Variants in LIN9 observed in about 807,000 individuals in gnomAD.
The protein encoded by LIN9 is protein lin-9 homolog.
Under a neutral mutation model 78.0 loss-of-function variants are expected in LIN9, and 18 were observed. That is an observed-to-expected ratio of 0.23 (90% CI 0.16 to 0.34). The LOEUF (loss-of-function observed/expected upper bound fraction) is 0.34. Ranked by LOEUF, LIN9 falls within the 10% of genes least tolerant of loss-of-function variation. LIN9 has a pLI of 1.00. For synonymous variants in LIN9, 192 were observed against 215.2 expected, an observed-to-expected ratio of 0.89 and a Z score of 0.94; for missense variants, 451 against 644.1, an observed-to-expected ratio of 0.70 and a Z score of 3.25.
chr1:226,258,050 G>A (rs73087805), intron 10 of LIN9, among the ~76,000 whole-genome samples: 3,725 of 152,160 alleles, frequency 0.024, 150 homozygotes, highest in African/African-American at 0.085. Flanking sequence ...CAGGTGTGGT[G>A]TCTTGTGCCT....
intron 13 of LIN9, 65 bp downstream of exon 13, chr1:226,233,279 C>A: frequency 1.3e-6 from 2 of 1,520,438 alleles, no homozygotes; most frequent in Non-Finnish European, 1.8e-6. Context: ...GAATTAATTT[C>A]TTAGCAACAA....
At chr1:226,282,942 T>C (rs1186768652) in intron 6 of LIN9, among the ~76,000 whole-genome samples, 1 of 152,228 alleles carries the variant, frequency 6.6e-6, no homozygotes, top group Non-Finnish European at 1.5e-5. Context: ...TTTCCTTTCC[T>C]ATCAATTACC....
chr1:226,238,328 T>G (rs893001890), intron 12 of LIN9, among the ~76,000 whole-genome samples: 10 of 151,870 alleles, frequency 6.6e-5, no homozygotes, highest in Non-Finnish European at 7.4e-5. Flanking sequence ...TAAGAAGAAA[T>G]AAAGCAAAAT....
At chr1:226,296,948 T>C (rs1662191014) in intron 3 of LIN9, among the ~76,000 whole-genome samples, 1 of 152,064 alleles carries the variant, frequency 6.6e-6, no homozygotes, top group Non-Finnish European at 1.5e-5. Context: ...CGCTTGAGCC[T>C]GGGAGTTCCT....
intron 4 of LIN9, 27 bp downstream of exon 4, chr1:226,295,815 T>G (rs765076173): frequency 4.1e-6 from 6 of 1,456,404 alleles, no homozygotes; most frequent in Non-Finnish European, 5.7e-6. Context: ...TCCTTTCCAA[T>G]GAAACAAAAT....
chr1:226,255,345 A>C (rs530656988), intron 10 of LIN9, among the ~76,000 whole-genome samples: 1 of 152,310 alleles, frequency 6.6e-6, no homozygotes, highest in African/African-American at 2.4e-5. Flanking sequence ...CTAACATGCT[A>C]GGGTTTTATC....
chr1:226,253,441 G>A (rs907256769), intron 10 of LIN9, among the ~76,000 whole-genome samples: 1 of 151,318 alleles, frequency 6.6e-6, no homozygotes, highest in Non-Finnish European at 1.5e-5. Flanking sequence ...CTACAGGCTC[G>A]CACCACCACG....
intron 1 of LIN9, among the ~76,000 whole-genome samples, chr1:226,306,356 A>C (rs1662917974): frequency 6.6e-6 from 1 of 152,082 alleles, no homozygotes; most frequent in Non-Finnish European, 1.5e-5. Flanking sequence ...AAGAGAGGGA[A>C]GTGCCAAAGA....
At chr1:226,287,047 A>G (rs1661419190) in intron 5 of LIN9, among the ~76,000 whole-genome samples, 1 of 152,228 alleles carries the variant, frequency 6.6e-6, no homozygotes, top group Admixed American at 6.5e-5. Context: ...CACAAGCTCC[A>G]GAGTAGGCAA....
chr1:226,289,686 T>C (rs770779071), intron 4 of LIN9, among the ~76,000 whole-genome samples: 46 of 152,002 alleles, frequency 3.0e-4, no homozygotes, highest in Non-Finnish European at 4.9e-4. Flanking sequence ...CTAGCACATA[T>C]AGAGATATGC....
At chr1:226,260,706 A>G (rs9729447) in intron 10 of LIN9, among the ~76,000 whole-genome samples, 100,727 of 141,472 alleles carry the variant, frequency 0.71, 35,498 homozygotes, top group East Asian at 0.75. Context: ...GTGCAGTGGC[A>G]CGAACTCGGC....
intron 10 of LIN9, among the ~76,000 whole-genome samples, chr1:226,262,216 T>C (rs1041753745): frequency 2.6e-5 from 4 of 152,254 alleles, no homozygotes; most frequent in Non-Finnish European, 4.4e-5. Context: ...ACTTTGGTTT[T>C]GTGACAACCA....
chr1:226,285,240 C>T (rs962341373), intron 6 of LIN9, among the ~76,000 whole-genome samples: 7 of 152,108 alleles, frequency 4.6e-5, no homozygotes, highest in South Asian at 2.1e-4. Context: ...CTCAAACACG[C>T]AAAATGATAG....
At chr1:226,308,362 C>CAT (rs1663055896) in intron 1 of LIN9, among the ~76,000 whole-genome samples, 3 of 85,420 alleles carry the variant, frequency 3.5e-5, no homozygotes, top group African/African-American at 1.3e-4. Context: ...GCAGGGTACA[C>CAT]GTACGCTGTG....
In LIN9 at chr1:226,287,792, A is replaced by G; in HGVS notation, c.270T>C (p.Phe90=). ...NQRVAMVPQK[F]TATMSTPDKK... ...TATCTGGTGTTGACATTGTTGCTGT[A>G]AATTTCTATACAATAAAAAAAAGAG... The change falls in exon 5 of 15, where the codon TTT becomes TTC. Residue 90 remains phenylalanine, a synonymous_variant. Transcript: ENST00000681046. 1.3e-6 allele frequency: 2 copies of G among 1,547,478 alleles called. No individual in the cohort carries two copies. Among genetic ancestry groups the G allele is most frequent in the Non-Finnish European group, 1.7e-6 (2 of 1,157,398 alleles).
In LIN9 at chr1:226,238,942, A is replaced by G. The variant is rs78039379; in HGVS notation, c.1245+29T>C. 7,447 of 1,590,238 alleles carry G rather than the reference A, an allele frequency of 4.7e-3. 536 individuals are homozygous for G. In the Admixed American group the frequency reaches 0.12, roughly 25 times the overall value. ...AAAGGATTAAGCTTCAAATACAAAT[A>G]TGGAGGGAAATCTATACATATCACT... On this transcript the variant is annotated intron_variant, in intron 12 of 14. Coordinates refer to ENST00000681046, the MANE Select transcript of LIN9 (RefSeq NM_001366245.2).
intron 10 of LIN9, among the ~76,000 whole-genome samples, chr1:226,251,497 G>A (rs1383061852): frequency 6.6e-6 from 1 of 152,128 alleles, no homozygotes; most frequent in Non-Finnish European, 1.5e-5. Flanking sequence ...CAAAGTGCTG[G>A]GATTACAGGC....
chr1:226,288,611 A>G (rs889886250), intron 4 of LIN9, among the ~76,000 whole-genome samples: 1 of 152,258 alleles, frequency 6.6e-6, no homozygotes, highest in African/African-American at 2.4e-5. Context: ...CAAAAAAATC[A>G]CTATATGTAA....
rs1660040430 is a variant in LIN9, at chr1:226,268,002, A to G, written c.771T>C (p.Asp257=). 6.2e-7 allele frequency: 1 copy of G among 1,614,026 alleles called. No individual in the cohort carries two copies. The highest frequency in any genetic ancestry group is 8.5e-7 in the Non-Finnish European group (1 of 1,179,904). The change falls in exon 8 of 15, where the codon GAT becomes GAC. Residue 257 remains aspartate, a synonymous_variant. Transcript: ENST00000681046. ...TGGTATGGGTTCCAAGCCCTGTCCT[A>G]TCAAAAGTTACTCTATAAGTAGCAT... ...TLNATYRVTF[D]RTGLGTHTIP...
Sources: gnomAD v4.1 joint callset for allele counts (sites outside exome capture counted in the v4.1 genomes callset) on GRCh38, gnomAD v4.1.1 for gene constraint, MANE v1.5 for transcripts, NCBI Gene and HGNC (gene_info 2026-07-23, HGNC 2026-07-21) for gene names.